The following MICU1 variants were observed in gnomAD, a reference collection of about 807,000 sequenced individuals.
The protein encoded by MICU1 is calcium uptake protein 1, mitochondrial.
A neutral mutation model predicts 56.8 loss-of-function variants in MICU1; 45 were observed. The ratio of observed to expected loss-of-function variants is 0.79; its 90% CI spans 0.62 to 1.02. The LOEUF (loss-of-function observed/expected upper bound fraction) is 1.02. MICU1 is among the 50% of genes least tolerant of loss of function. The pLI is 0.00. For synonymous variants in MICU1, 186 were observed against 195.1 expected (o/e 0.95, Z 0.39); for missense variants, 504 against 587.1 (o/e 0.86, Z 1.46).
At chr10:72,558,857 A>G (rs1007756884) in intron 3 of MICU1, among the ~76,000 whole-genome samples, 1 of 152,172 alleles carries the variant, frequency 6.6e-6, no homozygotes, top group Non-Finnish European at 1.5e-5. Flanking sequence ...ATTCTATAAA[A>G]AATCTTTTAA....
Position 72,417,298 on chromosome 10 carries a change from C to T in MICU1, c.1071+5936G>A, listed in dbSNP as rs1286507743. Among the ~76,000 whole-genome samples the T allele has an allele frequency of 4.6e-5, 7 of 151,882 alleles. No homozygotes were observed. The South Asian group carries it at 6.2e-4, about 14-fold the overall frequency. On this transcript the variant is annotated intron_variant, in intron 9 of 11. Coordinates refer to ENST00000361114, the MANE Select transcript of MICU1 (RefSeq NM_001195518.2). ...AAACCCTGTCTCTACTAAAAACACA[C>T]AAAAAATTAGCCAGGCGTGGCAGTG...
intron 1 of MICU1, among the ~76,000 whole-genome samples, chr10:72,573,307 CAAAAAAAAAAAA>C (rs58866778): frequency 1.4e-4 from 3 of 21,040 alleles, no homozygotes; most frequent in South Asian, 2.2e-3. Flanking sequence ...CCCATCACTA[CAAAAAAAAAAAA>C]AAAAAAAAAA....
At chr10:72,574,907 G>A (rs2132493855) in intron 1 of MICU1, among the ~76,000 whole-genome samples, 1 of 152,278 alleles carries the variant, frequency 6.6e-6, no homozygotes, top group African/African-American at 2.4e-5. Flanking sequence ...TCTTTTGAGA[G>A]CACTGGACAA....
intron 11 of MICU1, among the ~76,000 whole-genome samples, chr10:72,374,760 G>T (rs1862458600): frequency 6.6e-6 from 1 of 151,386 alleles, no homozygotes; most frequent in Non-Finnish European, 1.5e-5. Flanking sequence ...AAAACAGAGG[G>T]GGCAGTACAG....
intron 10 of MICU1, among the ~76,000 whole-genome samples, chr10:72,386,302 C>T (rs779079372): frequency 1.3e-5 from 2 of 152,134 alleles, no homozygotes; most frequent in Non-Finnish European, 2.9e-5. Flanking sequence ...CCACCTTAGC[C>T]TTCTGAGTAG....
chr10:72,543,984 T>C (rs1839837212), intron 4 of MICU1, among the ~76,000 whole-genome samples: 1 of 152,188 alleles, frequency 6.6e-6, no homozygotes, highest in Non-Finnish European at 1.5e-5. Flanking sequence ...AAGGCAGAAA[T>C]GAAATCCACA....
At chr10:72,534,344 A>G (rs906031183) in intron 4 of MICU1, among the ~76,000 whole-genome samples, 1 of 152,152 alleles carries the variant, frequency 6.6e-6, no homozygotes, top group Non-Finnish European at 1.5e-5. Flanking sequence ...TTAAGTGACT[A>G]TATTCGGTGG....
At chr10:72,598,331 C>T (rs756833668) in intron 1 of MICU1, among the ~76,000 whole-genome samples, 3 of 151,958 alleles carry the variant, frequency 2.0e-5, no homozygotes, top group Non-Finnish European at 4.4e-5. Context: ...TCTCGGCTCA[C>T]TGCAACCTCT....
chr10:72,617,367 TAA>T (rs1842006917), intron 1 of MICU1, among the ~76,000 whole-genome samples: 1 of 152,192 alleles, frequency 6.6e-6, no homozygotes. Flanking sequence ...ACTGATAGTT[TAA>T]ACTCTTTTTA....
chr10:72,529,946 C>CTTTTT (rs11338457), intron 5 of MICU1, among the ~76,000 whole-genome samples: 1,812 of 100,792 alleles, frequency 0.018, 7 homozygotes, highest in East Asian at 0.039. Flanking sequence ...GGGGAAGGTG[C>CTTTTT]TTTTTTTTTT....
intron 5 of MICU1, 76 bp downstream of exon 5, chr10:72,533,669 AC>A: frequency 9.0e-7 from 1 of 1,117,034 alleles, no homozygotes; most frequent in Non-Finnish European, 1.3e-6. Flanking sequence ...GATTTCTCAA[AC>A]ATAACTATAG....
rs542418652 is a variant in MICU1, at chr10:72,482,991, G to A, written c.653-5735C>T. ...CTGCCTCAGCCTCCTGAGTAGCTGG[G>A]ATTACAGGCATGCGCCACCATGCCT... On this transcript the variant is annotated intron_variant, in intron 6 of 11. Coordinates refer to ENST00000361114, the MANE Select transcript of MICU1 (RefSeq NM_001195518.2). Among the ~76,000 whole-genome samples the A allele has an allele frequency of 2.1e-3, 316 of 152,042 alleles. 3 individuals are homozygous for A. The highest frequency in any genetic ancestry group is 3.4e-3 in the Middle Eastern group (1 of 292).
chr10:72,585,403 T>A (rs907016458), intron 1 of MICU1, among the ~76,000 whole-genome samples: 3 of 152,106 alleles, frequency 2.0e-5, no homozygotes, highest in African/African-American at 7.2e-5. Context: ...TAACATAAAA[T>A]TTCATTTTAG....
intron 5 of MICU1, among the ~76,000 whole-genome samples, chr10:72,522,489 T>TCC (rs1472997175): frequency 6.6e-6 from 1 of 152,166 alleles, no homozygotes; most frequent in Non-Finnish European, 1.5e-5. Flanking sequence ...AACTACACCC[T>TCC]CCTTTGGCAC....
At chr10:72,418,750 T>C (rs1332056052) in intron 9 of MICU1, among the ~76,000 whole-genome samples, 1 of 152,160 alleles carries the variant, frequency 6.6e-6, no homozygotes, top group East Asian at 1.9e-4. Flanking sequence ...CAAAGTGGAA[T>C]AAAAGAAGCA....
At chr10:72,601,381 G>A (rs150307463) in intron 1 of MICU1, among the ~76,000 whole-genome samples, 20 of 142,612 alleles carry the variant, frequency 1.4e-4, no homozygotes, top group African/African-American at 4.7e-4. Context: ...CCATGCTTGC[G>A]CCACTACTCT....
chr10:72,396,372 C>A (rs978497975), intron 10 of MICU1, among the ~76,000 whole-genome samples: 8 of 152,224 alleles, frequency 5.3e-5, no homozygotes, highest in African/African-American at 1.9e-4. Flanking sequence ...AGCAGAGCGC[C>A]TCTTCTCCTC....
Position 72,562,807 on chromosome 10 carries a change from C to T in MICU1, c.330+88G>A, listed in dbSNP as rs1013612518. On this transcript the variant is annotated intron_variant, in intron 3 of 11. Transcript: ENST00000361114. Reference sequence around the variant, plus strand: ...TGATAACTTGAAAGTGAAGATGAACCATCTGAAACATATGATTAAAAAGAT... The same window carrying T: ...TGATAACTTGAAAGTGAAGATGAACTATCTGAAACATATGATTAAAAAGAT... 29 of 1,105,964 alleles carry T rather than the reference C, an allele frequency of 2.6e-5. No homozygotes were observed. In the African/African-American group the frequency reaches 4.7e-4, roughly 18 times the overall value. The allele number at this position is 1,105,964 out of a possible 1,614,324, so 68.5% of individuals were successfully genotyped here.
chr10:72,466,274 G>T (rs1365325948), intron 8 of MICU1, among the ~76,000 whole-genome samples: 1 of 152,104 alleles, frequency 6.6e-6, no homozygotes, highest in African/African-American at 2.4e-5. Flanking sequence ...GGAACAAGTG[G>T]GACCTCATGA....
Sources: gnomAD v4.1 joint callset for allele counts (sites outside exome capture counted in the v4.1 genomes callset) on GRCh38, gnomAD v4.1.1 for gene constraint, MANE v1.5 for transcripts, NCBI Gene and HGNC (gene_info 2026-07-23, HGNC 2026-07-21) for gene names.